GRIK1: variants seen among roughly 807,000 people sequenced by gnomAD.
GRIK1 encodes glutamate ionotropic receptor kainate type subunit 1, also known as glutamate receptor ionotropic, kainate 1.
GRIK1 carries 69 observed loss-of-function variants against 105.7 expected under a neutral mutation model. The observed-to-expected ratio is 0.65, with a 90% CI of 0.54 to 0.80. The LOEUF (loss-of-function observed/expected upper bound fraction) is 0.80. GRIK1 is among the 30% of genes least tolerant of loss of function. GRIK1 has a pLI of 0.00. For missense variants in GRIK1, 1,109 were observed against 1,167.3 expected (o/e 0.95, Z 0.73); for synonymous variants, 438 against 431.3 (o/e 1.02, Z -0.19).
At chr21:29,711,919 T>G (rs1001067029) in intron 1 of GRIK1, among the ~76,000 whole-genome samples, 1 of 151,886 alleles carries the variant, frequency 6.6e-6, no homozygotes, top group Non-Finnish European at 1.5e-5. Context: ...AAATTTTTCT[T>G]TTTTGAAAAT....
intron 1 of GRIK1, among the ~76,000 whole-genome samples, chr21:29,753,525 T>G (rs1199187601): frequency 6.6e-6 from 1 of 152,196 alleles, no homozygotes; most frequent in Admixed American, 6.5e-5. Flanking sequence ...TAGATGGGCT[T>G]CATATTACTG....
At chr21:29,735,837 A>G (rs560325806) in intron 1 of GRIK1, among the ~76,000 whole-genome samples, 8 of 107,190 alleles carry the variant, frequency 7.5e-5, no homozygotes, top group African/African-American at 2.8e-4. Context: ...ACAGAGTGAG[A>G]CTCCGTCTCA....
At position 29,867,104 on chromosome 21, in the gene GRIK1, T is replaced by C. The variant is rs1421067396; in HGVS notation, c.118+72279A>G. Among the ~76,000 whole-genome samples, 3 of 152,154 alleles carry C rather than the reference T, an allele frequency of 2.0e-5. No homozygotes were observed. In the East Asian group the frequency reaches 5.8e-4, roughly 29 times the overall value. On this transcript the variant is annotated intron_variant, in intron 1 of 17. Coordinates refer to ENST00000327783, the MANE Select transcript of GRIK1 (RefSeq NM_001330994.2). ...TTTTTAGTATACGCTCAATAACCTTTTGGAAAACACTCCATGTCTCTTGTT... is the reference window on the plus strand; with the variant it reads ...TTTTTAGTATACGCTCAATAACCTTCTGGAAAACACTCCATGTCTCTTGTT...
intron 1 of GRIK1, among the ~76,000 whole-genome samples, chr21:29,799,005 A>T (rs1319313298): frequency 1.3e-5 from 2 of 152,164 alleles, no homozygotes; most frequent in Admixed American, 6.6e-5. Flanking sequence ...TTACCTCCAG[A>T]TAATACTATC....
At chr21:29,573,502 G>A (rs1255987338) in intron 14 of GRIK1, among the ~76,000 whole-genome samples, 2 of 152,266 alleles carry the variant, frequency 1.3e-5, no homozygotes, top group East Asian at 3.9e-4. Flanking sequence ...CACTTTGGGA[G>A]GCCGAGACAG....
chr21:29,781,788 A>G (rs565367454), intron 1 of GRIK1, among the ~76,000 whole-genome samples: 1 of 139,012 alleles, frequency 7.2e-6, no homozygotes, highest in Non-Finnish European at 1.5e-5. Context: ...CTCCTGCCTC[A>G]GCCTCCCCAG....
chr21:29,807,519 A>G (rs568668139), intron 1 of GRIK1, among the ~76,000 whole-genome samples: 1 of 152,248 alleles, frequency 6.6e-6, no homozygotes, highest in Admixed American at 6.5e-5. Context: ...TCCTTCCTTC[A>G]TATAGCCAGT....
chr21:29,790,862 C>T (rs1398035635), intron 1 of GRIK1, among the ~76,000 whole-genome samples: 1 of 152,208 alleles, frequency 6.6e-6, no homozygotes, highest in East Asian at 1.9e-4. Flanking sequence ...CTCATTGCTT[C>T]ACGGAATTTA....
chr21:29,707,121 C>T (rs905923250), intron 1 of GRIK1, among the ~76,000 whole-genome samples: 32 of 152,230 alleles, frequency 2.1e-4, no homozygotes, highest in African/African-American at 6.0e-4. Context: ...TCCTCGGCCT[C>T]CCGAAGTGCT....
chr21:29,848,374 A>G (rs1281781997), intron 1 of GRIK1, among the ~76,000 whole-genome samples: 2 of 152,052 alleles, frequency 1.3e-5, no homozygotes, highest in Non-Finnish European at 2.9e-5. Context: ...CAAGTTCTCC[A>G]TTATGTTTTC....
At chr21:29,597,132 T>C (rs1225175258) in intron 8 of GRIK1, among the ~76,000 whole-genome samples, 1 of 152,180 alleles carries the variant, frequency 6.6e-6, no homozygotes, top group Non-Finnish European at 1.5e-5. Flanking sequence ...CATAAAAAGA[T>C]TGGGCATTTC....
intron 6 of GRIK1, among the ~76,000 whole-genome samples, chr21:29,648,500 C>T (rs537465705): frequency 9.2e-4 from 140 of 152,290 alleles, no homozygotes; most frequent in African/African-American, 3.2e-3. Flanking sequence ...TTAGTAGAAG[C>T]TTAATTCTTA....
chr21:29,899,947 A>T (rs1282692347), intron 1 of GRIK1, among the ~76,000 whole-genome samples: 1 of 152,150 alleles, frequency 6.6e-6, no homozygotes, highest in Non-Finnish European at 1.5e-5. Flanking sequence ...AGATTCCTTA[A>T]CTACCTTCTA....
chr21:29,808,445 A>G (rs1308631101), intron 1 of GRIK1, among the ~76,000 whole-genome samples: 1 of 152,194 alleles, frequency 6.6e-6, no homozygotes, highest in Non-Finnish European at 1.5e-5. Flanking sequence ...GTAACTTGTC[A>G]CCATGAACCA....
chr21:29,893,401 C>A (rs2069980913), intron 1 of GRIK1, among the ~76,000 whole-genome samples: 1 of 152,166 alleles, frequency 6.6e-6, no homozygotes, highest in South Asian at 2.1e-4. Flanking sequence ...TAATGGTGTA[C>A]AATCTGGAGC....
chr21:29,637,286 G>A (rs983495148), intron 7 of GRIK1, among the ~76,000 whole-genome samples: 3 of 152,112 alleles, frequency 2.0e-5, no homozygotes, highest in Non-Finnish European at 4.4e-5. Context: ...CTTTCCAGAT[G>A]CTTCAGTGCT....
At chr21:29,810,238 A>C (rs1020341590) in intron 1 of GRIK1, among the ~76,000 whole-genome samples, 1 of 151,942 alleles carries the variant, frequency 6.6e-6, no homozygotes, top group Non-Finnish European at 1.5e-5. Context: ...TGGAGTTTGC[A>C]GTGAGCAGAG....
At chr21:29,784,617 C>T (rs1350743897) in intron 1 of GRIK1, among the ~76,000 whole-genome samples, 1 of 152,004 alleles carries the variant, frequency 6.6e-6, no homozygotes, top group Non-Finnish European at 1.5e-5. Flanking sequence ...GTATGACATA[C>T]ACAGAAAATC....
chr21:29,712,386 A>T (rs983966309), intron 1 of GRIK1, among the ~76,000 whole-genome samples: 7 of 152,100 alleles, frequency 4.6e-5, no homozygotes, highest in African/African-American at 1.7e-4. Context: ...TTATTTCCTT[A>T]GTTCTTTTAT....
Sources: gnomAD v4.1 joint callset for allele counts (sites outside exome capture counted in the v4.1 genomes callset) on GRCh38, gnomAD v4.1.1 for gene constraint, MANE v1.5 for transcripts, NCBI Gene and HGNC (gene_info 2026-07-23, HGNC 2026-07-21) for gene names.